Variants in ZNF804B observed in about 807,000 individuals in gnomAD.
ZNF804B encodes zinc finger 804B.
ZNF804B carries 80 observed loss-of-function variants against 101.4 expected under a neutral mutation model. The observed-to-expected ratio is 0.79, with a 90% CI of 0.66 to 0.95. The LOEUF is 0.95. ZNF804B is among the 40% of genes least tolerant of loss of function. The probability of loss-of-function intolerance (pLI) is 0.00; values close to 1 mark genes in which losing one functional copy is unlikely to be tolerated. For missense variants in ZNF804B, 1,673 were observed against 1,561.9 expected (o/e 1.07, Z -1.20); for synonymous variants, 622 against 558.8 (o/e 1.11, Z -1.59).
intron 1 of ZNF804B, among the ~76,000 whole-genome samples, chr7:89,172,569 G>A (rs1791252795): frequency 6.6e-6 from 1 of 152,042 alleles, no homozygotes; most frequent in Non-Finnish European, 1.5e-5. Context: ...CCTGAATACA[G>A]TAAACTAAAA....
At chr7:88,914,009 G>A (rs1157140384) in intron 1 of ZNF804B, among the ~76,000 whole-genome samples, 2 of 152,160 alleles carry the variant, frequency 1.3e-5, no homozygotes, top group East Asian at 3.9e-4. Context: ...CAAAAGCATT[G>A]ATAGTAGTTG....
At chr7:89,319,404 CA>C (rs1790784257) in intron 2 of ZNF804B, among the ~76,000 whole-genome samples, 1 of 151,902 alleles carries the variant, frequency 6.6e-6, no homozygotes, top group Non-Finnish European at 1.5e-5. Flanking sequence ...ATTGTAAAAC[CA>C]AAAACTCAAA....
At chr7:88,782,229 T>A (rs1350750827) in intron 1 of ZNF804B, among the ~76,000 whole-genome samples, 3 of 151,616 alleles carry the variant, frequency 2.0e-5, no homozygotes, top group Non-Finnish European at 4.4e-5. Context: ...CAGGGAACTA[T>A]GGAAAGATAC....
At chr7:89,217,730 T>G (rs1194897137) in intron 1 of ZNF804B, among the ~76,000 whole-genome samples, 1 of 152,116 alleles carries the variant, frequency 6.6e-6, no homozygotes, top group Non-Finnish European at 1.5e-5. Context: ...CTATCTATAG[T>G]GTGAATGGGG....
intron 1 of ZNF804B, among the ~76,000 whole-genome samples, chr7:88,872,696 A>C: frequency 6.9e-6 from 1 of 145,604 alleles, no homozygotes; most frequent in African/African-American, 2.6e-5. Flanking sequence ...TTCAATTCCC[A>C]CCTATGAGTG....
intron 1 of ZNF804B, among the ~76,000 whole-genome samples, chr7:89,045,863 T>C (rs1584092925): frequency 6.6e-6 from 1 of 152,072 alleles, no homozygotes; most frequent in East Asian, 1.9e-4. Context: ...AGCTAAGACA[T>C]TGTGGGAATG....
chr7:89,229,884 A>G (rs1354824382), intron 2 of ZNF804B, among the ~76,000 whole-genome samples: 1 of 152,224 alleles, frequency 6.6e-6, no homozygotes. Flanking sequence ...CAATGTAATT[A>G]AACTAGACAC....
chr7:89,104,635 T>TC (rs1156382215), intron 1 of ZNF804B, among the ~76,000 whole-genome samples: 3 of 152,080 alleles, frequency 2.0e-5, no homozygotes, highest in Non-Finnish European at 4.4e-5. Flanking sequence ...CTCCTTTTTT[T>TC]CCCTCTTATT....
At chr7:89,219,843 T>C (rs1788954627) in intron 2 of ZNF804B, among the ~76,000 whole-genome samples, 1 of 148,582 alleles carries the variant, frequency 6.7e-6, no homozygotes, top group African/African-American at 2.5e-5. Flanking sequence ...TAAATATATA[T>C]GTATATATAT....
intron 1 of ZNF804B, among the ~76,000 whole-genome samples, chr7:89,020,426 C>G (rs1211594693): frequency 6.6e-6 from 1 of 152,030 alleles, no homozygotes; most frequent in East Asian, 1.9e-4. Flanking sequence ...GCTGAGAAAT[C>G]TGTTAGTGTA....
At chr7:89,282,051 AT>A (rs1325018331) in intron 2 of ZNF804B, among the ~76,000 whole-genome samples, 7 of 151,842 alleles carry the variant, frequency 4.6e-5, no homozygotes, top group African/African-American at 1.7e-4. Context: ...AATACAAAAA[AT>A]TAGCCGGGCG....
intron 1 of ZNF804B, among the ~76,000 whole-genome samples, chr7:88,765,569 C>G (rs10487035): frequency 0.07 from 10,636 of 151,700 alleles, 566 homozygotes; most frequent in East Asian, 0.28. Flanking sequence ...TTGATTTTTT[C>G]AAGATACACA....
rs1202655077 is a variant in ZNF804B, at chr7:89,004,023, C to T, written c.109-214132C>T. On this transcript the variant is annotated intron_variant, in intron 1 of 3. Transcript: ENST00000333190. ...ATGTAACAAAAAGAGAGGAGTTTTG[C>T]AGTATAATGTGAAAATGTGATCCTG... 3.3e-5 allele frequency among the ~76,000 whole-genome samples: 4 copies of T among 119,640 alleles called. No homozygotes were observed. The Admixed American group carries it at 3.9e-4, about 12-fold the overall frequency. 78.5% of individuals were successfully genotyped at this position (119,640 alleles called of 152,430 possible). A position where few individuals can be genotyped will look rare whatever the true frequency, so the allele number is the denominator to read the frequency against.
At chr7:89,116,954 T>C (rs1316908856) in intron 1 of ZNF804B, among the ~76,000 whole-genome samples, 1 of 152,162 alleles carries the variant, frequency 6.6e-6, no homozygotes, top group Non-Finnish European at 1.5e-5. Context: ...CTGAGTGGCC[T>C]TAAATGCAAT....
chr7:89,147,290 C>A (rs1249545083), intron 1 of ZNF804B, among the ~76,000 whole-genome samples: 2 of 151,844 alleles, frequency 1.3e-5, no homozygotes, highest in African/African-American at 4.8e-5. Context: ...AATCTTTAAC[C>A]CAGGTATTGG....
intron 2 of ZNF804B, among the ~76,000 whole-genome samples, chr7:89,291,502 C>T (rs1378168049): frequency 6.6e-6 from 1 of 151,916 alleles, no homozygotes; most frequent in Non-Finnish European, 1.5e-5. Flanking sequence ...AAGAATGGAT[C>T]AGTCTTTTAA....
intron 1 of ZNF804B, among the ~76,000 whole-genome samples, chr7:89,217,376 A>G (rs1443028203): frequency 6.6e-6 from 1 of 152,178 alleles, no homozygotes; most frequent in Admixed American, 6.5e-5. Context: ...ATGAGTGTGT[A>G]ATCTCTCTAA....
chr7:89,302,928 G>T (rs887463509), intron 2 of ZNF804B, among the ~76,000 whole-genome samples: 1 of 151,786 alleles, frequency 6.6e-6, no homozygotes, highest in Admixed American at 6.6e-5. Context: ...TACTATTCAG[G>T]CACAAAATCA....
chr7:89,332,032 T>C (rs1790992548), intron 3 of ZNF804B, among the ~76,000 whole-genome samples: 1 of 151,278 alleles, frequency 6.6e-6, no homozygotes. Context: ...ATATATACTC[T>C]TTATGTAACA....
Sources: allele counts gnomAD v4.1 joint callset (sites outside exome capture counted in the v4.1 genomes callset), GRCh38; gene constraint gnomAD v4.1.1; transcripts MANE v1.5; gene names NCBI Gene and HGNC (gene_info 2026-07-23, HGNC 2026-07-21).